Variants in HAS3 observed in about 807,000 individuals in gnomAD.
The protein encoded by HAS3 is HA synthase 3.
Under a neutral mutation model 50.3 loss-of-function variants are expected in HAS3, and 27 were observed. The observed-to-expected ratio is 0.54, with a 90% CI of 0.40 to 0.74. The LOEUF is 0.74. Ranked by LOEUF, HAS3 falls within the 30% of genes least tolerant of loss-of-function variation. HAS3 has a pLI of 0.00. For synonymous variants in HAS3, 339 were observed against 310.9 expected (o/e 1.09, Z -0.95); for missense variants, 517 against 742.8 (o/e 0.70, Z 3.53).
downstream of HAS3, chr16:69,118,371 T>C (rs1350441169): frequency 1.9e-6 from 3 of 1,609,046 alleles, no homozygotes; most frequent in African/African-American, 4.0e-5. Context: ...GGGAAAGGTA[T>C]GGCAGTAGAG....
At chr16:69,112,916 G>A (rs1018325631) in intron 2 of HAS3, among the ~76,000 whole-genome samples, 3 of 152,192 alleles carry the variant, frequency 2.0e-5, no homozygotes, top group Admixed American at 6.5e-5. Flanking sequence ...TGTTGAGGGC[G>A]CAGAGGCCAG....
rs773867261 is a variant in HAS3 at position 69,109,998 on chromosome 16, C to T, written c.603C>T (p.Phe201=). 1.2e-6 allele frequency: 2 copies of T among 1,611,232 alleles called. No individual in the cohort carries two copies. The highest frequency in any genetic ancestry group is 1.7e-6 in the Non-Finnish European group (2 of 1,177,776). Residue 201 remains phenylalanine, a synonymous_variant, in exon 2 of 4, where the codon TTC becomes TTT. Transcript: ENST00000569188. This position sits in a 1 kb window ranked among gnomAD's most constrained non-coding sequence, Gnocchi z 5.3. ...AGCGCGAGGTCATGTACACGGCCTT[C>T]AAGGCCCTCGGCGATTCGGTGGACT... ...GGKREVMYTA[F]KALGDSVDYI...
the HAS3 span, among the ~76,000 whole-genome samples, chr16:69,096,026 C>A: frequency 6.7e-6 from 1 of 149,438 alleles, no homozygotes; most frequent in Non-Finnish European, 1.5e-5. Context: ...ACCAGCCTGA[C>A]CAACATGGTG....
the HAS3 span, among the ~76,000 whole-genome samples, chr16:69,098,513 G>A: frequency 4.6e-5 from 7 of 152,074 alleles, 1 homozygote; most frequent in South Asian, 1.5e-3. Context: ...GAGTAGCTGG[G>A]ACGACATGCA....
In HAS3 at chr16:69,115,882, C is replaced by G. The variant is rs546918815; in HGVS notation, c.*616C>G. On this transcript the variant is annotated 3_prime_UTR_variant, in exon 4 of 4. Transcript: ENST00000569188. Reference sequence around the variant, plus strand: ...TCAACATTCCAGGGATGAGCCAAACCAGCAGGGAGTTAGCACTGAACTGCT... The same window carrying G: ...TCAACATTCCAGGGATGAGCCAAACGAGCAGGGAGTTAGCACTGAACTGCT... 1.5e-4 allele frequency: 145 copies of G among 985,832 alleles called. No homozygotes were observed. Among genetic ancestry groups the G allele is most frequent in the Non-Finnish European group, 1.6e-4 (135 of 829,938 alleles). The allele number at this position is 985,832 out of a possible 1,614,324, so 61.1% of individuals were successfully genotyped here.
intron 1 of HAS3, among the ~76,000 whole-genome samples, chr16:69,108,196 C>T (rs905418663): frequency 2.6e-5 from 4 of 152,144 alleles, no homozygotes; most frequent in African/African-American, 9.7e-5. Flanking sequence ...TCCCCTCCCT[C>T]ACATCCCCCT....
chr16:69,118,599 A>C (rs1961353904), downstream of HAS3: 2 of 717,894 alleles, frequency 2.8e-6, no homozygotes, highest in Non-Finnish European at 2.5e-6. Flanking sequence ...GGACGAAAGC[A>C]CAGCAGGCTT....
chr16:69,094,461 A>G, the HAS3 span, among the ~76,000 whole-genome samples: 1 of 152,216 alleles, frequency 6.6e-6, no homozygotes, highest in African/African-American at 2.4e-5. Flanking sequence ...AGCGAATGGG[A>G]ATGCTAATGT....
Position 69,109,347 on chromosome 16 carries a change from G to T in HAS3, c.1-49G>T, listed in dbSNP as rs780022518. 1.9e-6 allele frequency: 3 copies of T among 1,553,972 alleles called. No homozygotes were observed. The South Asian group carries it at 3.6e-5, about 19-fold the overall frequency. On this transcript the variant is annotated intron_variant, in intron 1 of 3. Transcript: ENST00000569188. The surrounding 1 kb of genome is among the most constrained non-coding windows in gnomAD (Gnocchi z 5.3). ...AGAACACCCATGCTCCCACGGACTG[G>T]AAATGCTGCCTCCTGCCTGACCCTT... is the stretch of plus-strand genomic sequence containing the variant.
At chr16:69,092,298 GTA>G in the HAS3 span, among the ~76,000 whole-genome samples, 1 of 152,274 alleles carries the variant, frequency 6.6e-6, no homozygotes, top group Admixed American at 6.5e-5. Context: ...TCTGTTCTTA[GTA>G]TAAGTGTGGA....
At chr16:69,092,619 A>AAAAG in the HAS3 span, among the ~76,000 whole-genome samples, 410 of 150,262 alleles carry the variant, frequency 2.7e-3, 4 homozygotes, top group African/African-American at 9.5e-3. Context: ...AAAAAAAAAA[A>AAAAG]AGTGATTCCC....
In HAS3 at chr16:69,115,353, G is replaced by T; in HGVS notation, c.*87G>T. 1.4e-6 allele frequency: 2 copies of T among 1,456,012 alleles called. No homozygotes were observed. The highest frequency in any genetic ancestry group is 9.0e-7 in the Non-Finnish European group (1 of 1,110,072). The allele number at this position is 1,456,012 out of a possible 1,614,324, so 90.2% of individuals were successfully genotyped here. A position where few individuals can be genotyped will look rare whatever the true frequency, so the allele number is the denominator to read the frequency against. On this transcript the variant is annotated 3_prime_UTR_variant, in exon 4 of 4. Coordinates refer to ENST00000569188, the MANE Select transcript of HAS3 (RefSeq NM_001199280.2). ...GAAAAGACAGGGTGGGAGGGAGGAG[G>T]GAGTGCTGTGTTTTAGTCTCTTAAT...
At chr16:69,096,683 T>C in the HAS3 span, among the ~76,000 whole-genome samples, 1 of 133,294 alleles carries the variant, frequency 7.5e-6, no homozygotes, top group Admixed American at 8.0e-5. Context: ...AGTGGCGCCA[T>C]CTCGGCTCAC....
rs1181249071 is a variant in HAS3, at chr16:69,113,582, A to C, written c.738+40A>C. On this transcript the variant is annotated intron_variant, in intron 3 of 3. Transcript: ENST00000569188. ...GGGATATCTGTGGGGAGGGGTCTGG[A>C]CTCTTTTTCCTAATCCAATTGGATA... 4 of 1,209,532 alleles carry C rather than the reference A, an allele frequency of 3.3e-6. No individual in the cohort carries two copies. The South Asian group carries it at 5.2e-5, about 16-fold the overall frequency. 74.9% of individuals were successfully genotyped at this position (1,209,532 alleles called of 1,614,324 possible).
chr16:69,114,317 G>A lies in HAS3; in HGVS notation c.739-26G>A, dbSNP rs1597098972. ...GTCCTCCGGACGTGCAACCTTAGGA[G>A]GCCCAGCATCTCTATTCCCTTGCAG... On this transcript the variant is annotated intron_variant, in intron 3 of 3. Coordinates refer to ENST00000569188, the MANE Select transcript of HAS3 (RefSeq NM_001199280.2). The surrounding 1 kb of genome is among the most constrained non-coding windows in gnomAD (Gnocchi z 6.4). 1 of 1,563,174 alleles carries A rather than the reference G, an allele frequency of 6.4e-7. No homozygotes were observed. The highest frequency in any genetic ancestry group is 8.6e-7 in the Non-Finnish European group (1 of 1,159,018).
chr16:69,109,891 A>G lies in HAS3; in HGVS notation c.496A>G (p.Ser166Gly). 1 of 1,613,974 alleles carries G rather than the reference A, an allele frequency of 6.2e-7. No homozygotes were observed. Among genetic ancestry groups the G allele is most frequent in the Non-Finnish European group, 8.5e-7 (1 of 1,180,032 alleles). ...HEAGEGETEA[S>G]LQEGMDRVRD... is the part of the protein sequence containing the mutation. ...GGCAGGCGAGGGTGAGACGGAGGCC[A>G]GCCTGCAGGAGGGCATGGACCGTGT... The change falls in exon 2 of 4, where the codon AGC becomes GGC. Residue 166 changes from serine to glycine, a missense_variant. By Grantham distance (56) the Ser-to-Gly change is moderately conservative. Transcript: ENST00000569188. The surrounding 1 kb of genome is among the most constrained non-coding windows in gnomAD (Gnocchi z 5.3).
In HAS3 at chr16:69,114,340, C is replaced by T; in HGVS notation, c.739-3C>T. The T allele has an allele frequency of 6.3e-7, 1 of 1,590,930 alleles. No homozygotes were observed. The highest frequency in any genetic ancestry group is 2.2e-5 in the East Asian group (1 of 44,746). On this transcript the variant is annotated splice_polypyrimidine_tract_variant and splice_region_variant and intron_variant, in intron 3 of 3. Transcript: ENST00000569188. The surrounding 1 kb of genome is among the most constrained non-coding windows in gnomAD (Gnocchi z 6.4). ...GAGGCCCAGCATCTCTATTCCCTTG[C>T]AGATCCTCAACAAGTACGACTCATG...
chr16:69,105,633 C>T (rs886303667), upstream of HAS3: 4 of 152,240 alleles, frequency 2.6e-5, no homozygotes, highest in Non-Finnish European at 4.4e-5. Context: ...CCTTCTTTGA[C>T]CAGCCTTTTT....
chr16:69,103,473 GCA>G (rs1960716859), upstream of HAS3, among the ~76,000 whole-genome samples: 1 of 152,126 alleles, frequency 6.6e-6, no homozygotes, highest in Non-Finnish European at 1.5e-5. Flanking sequence ...TCGGCTCACT[GCA>G]ACCTCTGCTT....
Sources: gnomAD v4.1 joint callset for allele counts (sites outside exome capture counted in the v4.1 genomes callset) on GRCh38, gnomAD v4.1.1 for gene constraint, Gnocchi (gnomAD v3.1) non-coding constraint, MANE v1.5 for transcripts, NCBI Gene and HGNC (gene_info 2026-07-23, HGNC 2026-07-21) for gene names.